NRG1: variants seen among roughly 807,000 people sequenced by gnomAD.
The protein encoded by NRG1 is neuregulin 1, also known as pro-neuregulin-1, membrane-bound isoform.
In NRG1, 18 loss-of-function variants were observed where a neutral mutation model predicts 63.8. The ratio of observed to expected loss-of-function variants is 0.28; its 90% CI spans 0.19 to 0.42. NRG1 has a LOEUF of 0.42. Among genes scored for constraint, NRG1 ranks in the 10% least tolerant of loss-of-function variants. The probability of loss-of-function intolerance (pLI) is 1.00; values close to 1 mark genes in which losing one functional copy is unlikely to be tolerated. For missense variants in NRG1, 762 were observed against 814.7 expected (o/e 0.94, Z 0.79); for synonymous variants, 302 against 301.3 (o/e 1.00, Z -0.02).
At chr8:32,748,688 T>C in intron 7 of NRG1, 1 of 456,418 alleles carries the variant, frequency 2.2e-6, no homozygotes, top group Non-Finnish European at 4.4e-6. Flanking sequence ...TCCAGCATTC[T>C]GGAGAAGTGA....
chr8:32,404,171 G>A (rs1293368191), intron 1 of NRG1, among the ~76,000 whole-genome samples: 1 of 152,156 alleles, frequency 6.6e-6, no homozygotes, highest in Non-Finnish European at 1.5e-5. Context: ...TTTTGCACCT[G>A]CAGGTGCTTG....
intron 1 of NRG1, among the ~76,000 whole-genome samples, chr8:31,867,515 C>T (rs1829070066): frequency 6.6e-6 from 1 of 152,020 alleles, no homozygotes; most frequent in African/African-American, 2.4e-5. Context: ...GTTTAATCTG[C>T]ATGTTTATAA....
At chr8:32,518,584 C>G in intron 1 of NRG1, among the ~76,000 whole-genome samples, 1 of 152,108 alleles carries the variant, frequency 6.6e-6, no homozygotes, top group East Asian at 1.9e-4. Context: ...AGATGTCCTC[C>G]TGAGCTGCAC....
chr8:32,677,426 C>T (rs1001265907), intron 5 of NRG1, among the ~76,000 whole-genome samples: 1 of 151,988 alleles, frequency 6.6e-6, no homozygotes, highest in African/African-American at 2.4e-5. Context: ...GGAAGCTGAG[C>T]GGGGTGGATC....
At chr8:32,664,482 G>C (rs1589069923) in intron 5 of NRG1, among the ~76,000 whole-genome samples, 1 of 152,084 alleles carries the variant, frequency 6.6e-6, no homozygotes, top group Non-Finnish European at 1.5e-5. Flanking sequence ...GAGTCGGCCA[G>C]TTGAGTCAGT....
At chr8:31,991,753 C>A (rs919333657) in intron 1 of NRG1, among the ~76,000 whole-genome samples, 7 of 151,870 alleles carry the variant, frequency 4.6e-5, no homozygotes, top group African/African-American at 7.3e-5. Flanking sequence ...CTCTTTATTT[C>A]TTTCCTTCTC....
chr8:31,873,382 AAC>A (rs1829653085), intron 1 of NRG1, among the ~76,000 whole-genome samples: 1 of 152,128 alleles, frequency 6.6e-6, no homozygotes, highest in Non-Finnish European at 1.5e-5. Context: ...AACATGGTGA[AAC>A]CCCGTCTCTA....
intron 5 of NRG1, among the ~76,000 whole-genome samples, chr8:32,686,990 T>G (rs1810323817): frequency 6.6e-6 from 1 of 152,176 alleles, no homozygotes; most frequent in African/African-American, 2.4e-5. Context: ...GTATGGTATC[T>G]TGCATGCTAA....
chr8:32,356,695 G>A (rs889105191), intron 1 of NRG1, among the ~76,000 whole-genome samples: 4 of 152,186 alleles, frequency 2.6e-5, no homozygotes, highest in Non-Finnish European at 4.4e-5. Context: ...GGTATTCAGT[G>A]GTGGTTGACC....
intron 1 of NRG1, among the ~76,000 whole-genome samples, chr8:32,119,274 A>G (rs907754341): frequency 6.6e-6 from 1 of 152,132 alleles, no homozygotes; most frequent in African/African-American, 2.4e-5. Context: ...AATATGAGAA[A>G]ACTAAGATAC....
chr8:31,679,543 A>G (rs1350614096), intron 1 of NRG1, among the ~76,000 whole-genome samples: 1 of 152,180 alleles, frequency 6.6e-6, no homozygotes, highest in Non-Finnish European at 1.5e-5. Flanking sequence ...AAATCCATTC[A>G]TGGTACAAAA....
At chr8:32,218,927 T>A (rs1845526608) in intron 1 of NRG1, among the ~76,000 whole-genome samples, 1 of 152,198 alleles carries the variant, frequency 6.6e-6, no homozygotes, top group Non-Finnish European at 1.5e-5. Flanking sequence ...GTACCCTTAA[T>A]AACTACAGAT....
chr8:32,075,651 CTTTT>C (rs200354474), intron 1 of NRG1, among the ~76,000 whole-genome samples: 1 of 150,290 alleles, frequency 6.7e-6, no homozygotes, highest in African/African-American at 2.5e-5. Flanking sequence ...ATATTTTAAC[CTTTT>C]TTTTTTTTTT....
intron 5 of NRG1, among the ~76,000 whole-genome samples, chr8:32,701,270 G>A (rs1418197064): frequency 2.0e-5 from 3 of 152,030 alleles, no homozygotes; most frequent in South Asian, 2.1e-4. Flanking sequence ...TGCAATTTTG[G>A]ACTTTTTAGT....
chr8:32,008,900 G>A (rs1814253495), intron 1 of NRG1, among the ~76,000 whole-genome samples: 3 of 152,002 alleles, frequency 2.0e-5, no homozygotes, highest in South Asian at 4.2e-4. Context: ...GAAGCACTGG[G>A]AAAATCTGCA....
intron 1 of NRG1, among the ~76,000 whole-genome samples, chr8:32,084,828 G>T (rs978257420): frequency 1.3e-5 from 2 of 152,242 alleles, no homozygotes; most frequent in South Asian, 4.1e-4. Flanking sequence ...GAGACTGAGT[G>T]CAAAGTCAAG....
intron 1 of NRG1, among the ~76,000 whole-genome samples, chr8:31,733,222 T>C (rs1814294938): frequency 6.6e-6 from 1 of 151,820 alleles, no homozygotes; most frequent in African/African-American, 2.4e-5. Context: ...CATGCACTGA[T>C]GGACACTTAG....
rs535122370 is a variant in NRG1 at position 32,575,053 on chromosome 8, A to G, written c.101-20775A>G. On this transcript the variant is annotated intron_variant, in intron 1 of 11. Transcript: ENST00000356819. ...AGACAAATCTAAAGCCAAACATAGAATAAAGCTGAACAGCAGATCATAAAT... is the reference window on the plus strand; with the variant it reads ...AGACAAATCTAAAGCCAAACATAGAGTAAAGCTGAACAGCAGATCATAAAT... Among the ~76,000 whole-genome samples, 32 of 152,288 alleles carry G rather than the reference A, an allele frequency of 2.1e-4. 1 individual carries two copies. The East Asian group carries it at 6.0e-3, about 29-fold the overall frequency.
chr8:31,805,303 A>G (rs995804390), intron 1 of NRG1, among the ~76,000 whole-genome samples: 21 of 151,988 alleles, frequency 1.4e-4, no homozygotes, highest in Non-Finnish European at 7.4e-5. Flanking sequence ...AGGATATTAT[A>G]TAATATTCAG....
Sources: gnomAD v4.1 joint callset for allele counts (sites outside exome capture counted in the v4.1 genomes callset) on GRCh38, gnomAD v4.1.1 for gene constraint, MANE v1.5 for transcripts, NCBI Gene and HGNC (gene_info 2026-07-23, HGNC 2026-07-21) for gene names.